The following FHOD3 variants were observed in gnomAD, a reference collection of about 807,000 sequenced individuals.
FHOD3 encodes the protein formin homology 2 domain containing 3, also known as FH1/FH2 domain-containing protein 3.
Under a neutral mutation model 173.0 loss-of-function variants are expected in FHOD3, and 90 were observed. The ratio of observed to expected loss-of-function variants is 0.52; its 90% confidence interval spans 0.44 to 0.62. FHOD3 has a LOEUF of 0.62. Ranked by LOEUF, FHOD3 falls within the 20% of genes least tolerant of loss-of-function variation. FHOD3 has a pLI of 0.00. For missense variants in FHOD3, 1,945 were observed against 2,034.7 expected, an observed-to-expected ratio of 0.96 and a Z score of 0.85; for synonymous variants, 828 against 823.0, an observed-to-expected ratio of 1.01 and a Z score of -0.10.
Position 36,736,492 on chromosome 18 carries a change from A to G in FHOD3, c.3577-4164A>G, listed in dbSNP as rs73949884. On this transcript the variant is annotated intron_variant, in intron 20 of 28. Transcript: ENST00000590592. ...TACAGAGGGTTTCATTGCCAGTGAA[A>G]GTGGCTCTCAGCAAGAAGGAGAGCT... Among the ~76,000 whole-genome samples the G allele has an allele frequency of 5.1e-3, 780 of 152,342 alleles. 7 individuals are homozygous for G. The highest frequency in any genetic ancestry group is 0.018 in the African/African-American group (731 of 41,588).
chr18:36,335,188 T>G (rs2045240529), intron 1 of FHOD3, among the ~76,000 whole-genome samples: 1 of 152,114 alleles, frequency 6.6e-6, no homozygotes, highest in African/African-American at 2.4e-5. Flanking sequence ...AAAGGATAGC[T>G]GATAAGCTAA....
At chr18:36,455,094 G>C (rs1385359860) in intron 3 of FHOD3, among the ~76,000 whole-genome samples, 2 of 152,220 alleles carry the variant, frequency 1.3e-5, no homozygotes, top group Admixed American at 1.3e-4. Flanking sequence ...ATGACAGCTG[G>C]CCAGAGGTGT....
chr18:36,610,599 A>G (rs542477187), intron 8 of FHOD3, among the ~76,000 whole-genome samples: 27 of 152,336 alleles, frequency 1.8e-4, no homozygotes, highest in East Asian at 1.5e-3. Context: ...TTCTGATCTC[A>G]ATAGCAGTGA....
At chr18:36,729,802 T>C (rs906957701) in intron 19 of FHOD3, among the ~76,000 whole-genome samples, 2 of 152,338 alleles carry the variant, frequency 1.3e-5, no homozygotes, top group Non-Finnish European at 2.9e-5. Context: ...ATTCAGCTTA[T>C]AACACGTGCT....
intron 10 of FHOD3, among the ~76,000 whole-genome samples, chr18:36,637,719 A>G (rs2034990576): frequency 6.6e-6 from 1 of 152,236 alleles, no homozygotes; most frequent in African/African-American, 2.4e-5. Flanking sequence ...CAGCAGGGCC[A>G]TGTGGTAGAT....
At chr18:36,504,692 A>G (rs1010837960) in intron 4 of FHOD3, among the ~76,000 whole-genome samples, 9 of 152,098 alleles carry the variant, frequency 5.9e-5, no homozygotes, top group African/African-American at 2.2e-4. Context: ...ATGTATACAT[A>G]TGTAACTAAC....
chr18:36,315,813 T>G (rs987090810), intron 1 of FHOD3, among the ~76,000 whole-genome samples: 2 of 152,264 alleles, frequency 1.3e-5, no homozygotes, highest in African/African-American at 4.8e-5. Context: ...CCCCATTATG[T>G]CTGCTCACAG....
Position 36,653,388 on chromosome 18 carries a change from T to C in FHOD3, c.1693T>C (p.Tyr565His), listed in dbSNP as rs1168886137. The C allele has an allele frequency of 2.6e-6, 4 of 1,534,928 alleles. No homozygotes were observed. Among genetic ancestry groups the C allele is most frequent in the Non-Finnish European group, 2.6e-6 (3 of 1,146,432 alleles). Residue 565 changes from tyrosine to histidine, a missense_variant, in exon 13 of 29, where the codon TAC (tyrosine) becomes CAC (histidine). Coordinates refer to ENST00000590592, the MANE Select transcript of FHOD3 (RefSeq NM_001281740.3). The stretch of plus-strand genomic sequence containing the variant: ...GAGCACATATTCTGCCTCTGAGCCT[T>C]ACCACTTCCGATCTTTCTCTTCTAA... ...SLSTYSASEPYHFRSFSSNRY... is the reference protein window; with the variant it reads ...SLSTYSASEPHHFRSFSSNRY...
chr18:36,662,913 T>G (rs1227704970), intron 14 of FHOD3, among the ~76,000 whole-genome samples: 2 of 152,222 alleles, frequency 1.3e-5, no homozygotes, highest in Admixed American at 1.3e-4. Flanking sequence ...TTCTATATCT[T>G]TGACCATTTT....
intron 17 of FHOD3, among the ~76,000 whole-genome samples, chr18:36,703,311 G>A (rs1423103744): frequency 6.6e-6 from 1 of 152,190 alleles, no homozygotes; most frequent in Non-Finnish European, 1.5e-5. Flanking sequence ...ACTTCCAGGG[G>A]CTGAGCCAGG....
Position 36,713,553 on chromosome 18 carries a change from T to C in FHOD3, c.2533+4162T>C, listed in dbSNP as rs990314472. The stretch of plus-strand genomic sequence containing the variant: ...AAAGGTTGACTAATGGGTACAAGTA[T>C]ACAATTTGAAAGAAAAAATAAGATG... On this transcript the variant is annotated intron_variant, in intron 18 of 28. Coordinates refer to ENST00000590592, the MANE Select transcript of FHOD3 (RefSeq NM_001281740.3). Among the ~76,000 whole-genome samples, 5 of 152,306 alleles carry C rather than the reference T, an allele frequency of 3.3e-5. No individual in the cohort carries two copies. The East Asian group carries it at 9.6e-4, about 29-fold the overall frequency.
At chr18:36,650,226 A>G (rs1042962889) in intron 11 of FHOD3, among the ~76,000 whole-genome samples, 2 of 152,054 alleles carry the variant, frequency 1.3e-5, no homozygotes, top group Admixed American at 1.3e-4. Context: ...TTTTCCTACA[A>G]ATAAGCAAAA....
chr18:36,638,734 G>A (rs760448415), intron 10 of FHOD3, among the ~76,000 whole-genome samples: 2 of 152,156 alleles, frequency 1.3e-5, no homozygotes, highest in African/African-American at 4.8e-5. Flanking sequence ...TTAAGGATGC[G>A]AATCTCTAGG....
chr18:36,367,485 C>G (rs2046955872), intron 2 of FHOD3, among the ~76,000 whole-genome samples: 1 of 152,212 alleles, frequency 6.6e-6, no homozygotes, highest in African/African-American at 2.4e-5. Flanking sequence ...TCACTGGATT[C>G]TGGGTACTTG....
chr18:36,762,752 C>A (rs1048114853), intron 27 of FHOD3, among the ~76,000 whole-genome samples: 1 of 150,834 alleles, frequency 6.6e-6, no homozygotes, highest in Admixed American at 6.6e-5. Context: ...GCCAAGATGG[C>A]GCCATTGCAC....
At chr18:36,467,552 G>A (rs1327732299) in intron 3 of FHOD3, among the ~76,000 whole-genome samples, 3 of 152,152 alleles carry the variant, frequency 2.0e-5, no homozygotes. Flanking sequence ...GTGAGGGAGC[G>A]AAGGGGGTCA....
intron 1 of FHOD3, among the ~76,000 whole-genome samples, chr18:36,340,601 G>T: frequency 1.4e-5 from 2 of 146,828 alleles, no homozygotes; most frequent in African/African-American, 2.5e-5. Flanking sequence ...TTTTCCCTCT[G>T]GTTCTCTCTG....
At chr18:36,677,614 T>G (rs1017054644) in intron 14 of FHOD3, among the ~76,000 whole-genome samples, 3 of 152,178 alleles carry the variant, frequency 2.0e-5, no homozygotes, top group Non-Finnish European at 2.9e-5. Flanking sequence ...ATGTTTTCAT[T>G]TGTGCACCAA....
intron 3 of FHOD3, among the ~76,000 whole-genome samples, chr18:36,431,866 A>G (rs948256727): frequency 6.6e-6 from 1 of 152,240 alleles, no homozygotes; most frequent in African/African-American, 2.4e-5. Context: ...GAGAAAATAC[A>G]GTTGTTCCTT....
Sources: allele counts gnomAD v4.1 joint callset (sites outside exome capture counted in the v4.1 genomes callset), GRCh38; gene constraint gnomAD v4.1.1; transcripts MANE v1.5; gene names NCBI Gene and HGNC (gene_info 2026-07-23, HGNC 2026-07-21).